ITGA8: variants seen among roughly 807,000 people sequenced by gnomAD.
ITGA8 encodes integrin subunit alpha 8, also known as integrin alpha-8.
In ITGA8, 91 loss-of-function variants were observed where a neutral mutation model predicts 142.3. The observed-to-expected ratio is 0.64, with a 90% CI of 0.54 to 0.76. ITGA8 has a LOEUF of 0.76. Among genes scored for constraint, ITGA8 ranks in the 30% least tolerant of loss-of-function variants. The pLI is 0.00. For missense variants in ITGA8, 1,406 were observed against 1,327.7 expected, an observed-to-expected ratio of 1.06 and a Z score of -0.92; for synonymous variants, 505 against 485.2, an observed-to-expected ratio of 1.04 and a Z score of -0.54.
At chr10:15,555,811 T>G (rs1833876487) in intron 26 of ITGA8, among the ~76,000 whole-genome samples, 1 of 150,216 alleles carries the variant, frequency 6.7e-6, no homozygotes, top group Non-Finnish European at 1.5e-5. Context: ...TTCTCCTGCC[T>G]CAGCCTCCCG....
At chr10:15,558,238 CA>C (rs1257604704) in intron 25 of ITGA8, 36 bp from the exon 26 acceptor site, 4 of 1,610,572 alleles carry the variant, frequency 2.5e-6, no homozygotes, top group East Asian at 2.2e-5. Context: ...ACATTAAAAA[CA>C]CATGAACAGT....
chr10:15,605,929 C>T (rs1006322812), intron 18 of ITGA8, 138 bp from the exon 19 acceptor site: 2 of 712,676 alleles, frequency 2.8e-6, no homozygotes, highest in South Asian at 1.8e-5. Context: ...AGCCAATAGC[C>T]TACATTTCAC....
chr10:15,677,640 A>G lies in ITGA8; in HGVS notation c.631-3T>C, dbSNP rs1402495780. Reference sequence around the variant, plus strand: ...CCTCCCACAATAAGGTCTCCATTCTACAAAACAGAAACAGCAACAGCAACC... The same window carrying G: ...CCTCCCACAATAAGGTCTCCATTCTGCAAAACAGAAACAGCAACAGCAACC... On this transcript the variant is annotated splice_polypyrimidine_tract_variant and splice_region_variant and intron_variant, in intron 5 of 29. Coordinates refer to ENST00000378076, the MANE Select transcript of ITGA8 (RefSeq NM_003638.3). 1.2e-6 allele frequency: 2 copies of G among 1,612,654 alleles called. No individual in the cohort carries two copies. Among genetic ancestry groups the G allele is most frequent in the African/African-American group, 2.7e-5 (2 of 74,856 alleles).
At chr10:15,544,035 G>A (rs59400561) in intron 27 of ITGA8, among the ~76,000 whole-genome samples, 8,401 of 152,190 alleles carry the variant, frequency 0.055, 746 homozygotes, top group African/African-American at 0.19. Flanking sequence ...TGGTTCATGC[G>A]GCTAAGCCCA....
intron 27 of ITGA8, among the ~76,000 whole-genome samples, chr10:15,536,553 A>G (rs7895823): frequency 0.2 from 30,133 of 152,158 alleles, 4,037 homozygotes; most frequent in African/African-American, 0.38. Context: ...CTTATGTTCA[A>G]TATAACCTCT....
At chr10:15,651,832 C>G (rs1834091720) in intron 11 of ITGA8, among the ~76,000 whole-genome samples, 1 of 152,124 alleles carries the variant, frequency 6.6e-6, no homozygotes, top group African/African-American at 2.4e-5. Context: ...CTTGAGTTGT[C>G]TATCTGGCAT....
At chr10:15,602,021 T>A (rs556502519) in intron 20 of ITGA8, among the ~76,000 whole-genome samples, 5 of 152,372 alleles carry the variant, frequency 3.3e-5, no homozygotes, top group African/African-American at 1.2e-4. Context: ...CCTTGTAATG[T>A]TTACAGCCAA....
intron 5 of ITGA8, among the ~76,000 whole-genome samples, chr10:15,678,459 G>A (rs1422951288): frequency 6.6e-6 from 1 of 152,054 alleles, no homozygotes; most frequent in African/African-American, 2.4e-5. Flanking sequence ...TGCCACAAAG[G>A]ATCAGAAGAA....
At chr10:15,617,552 C>A (rs1833417054) in intron 13 of ITGA8, among the ~76,000 whole-genome samples, 1 of 152,196 alleles carries the variant, frequency 6.6e-6, no homozygotes, top group Admixed American at 6.5e-5. Context: ...GCACCTGCCA[C>A]AACGCCTGGC....
intron 13 of ITGA8, among the ~76,000 whole-genome samples, chr10:15,640,808 C>A (rs908324862): frequency 6.6e-6 from 1 of 152,120 alleles, no homozygotes; most frequent in Non-Finnish European, 1.5e-5. Flanking sequence ...CTGAAAGAGG[C>A]TAACAGAGGA....
At chr10:15,627,404 C>A (rs533955932) in intron 13 of ITGA8, among the ~76,000 whole-genome samples, 1 of 152,132 alleles carries the variant, frequency 6.6e-6, no homozygotes, top group Non-Finnish European at 1.5e-5. Context: ...CTGGTTGGAC[C>A]GCCAGCTTTC....
rs564495970 is a variant in ITGA8, at chr10:15,651,755, C to A, written c.1001+3599G>T. On this transcript the variant is annotated intron_variant, in intron 11 of 29. Transcript: ENST00000378076. ...TTCTGAACCATGAGCAATGACCTAGCCAAGTGATTTTTTAAACCCTATGAA... is the reference window on the plus strand; with the variant it reads ...TTCTGAACCATGAGCAATGACCTAGACAAGTGATTTTTTAAACCCTATGAA... 4.6e-5 allele frequency among the ~76,000 whole-genome samples: 7 copies of A among 152,158 alleles called. No individual in the cohort carries two copies. The East Asian group carries it at 1.4e-3, about 29-fold the overall frequency.
intron 2 of ITGA8, among the ~76,000 whole-genome samples, chr10:15,708,479 A>C (rs762120442): frequency 6.6e-6 from 1 of 152,126 alleles, no homozygotes; most frequent in Non-Finnish European, 1.5e-5. Flanking sequence ...GTTCACAAAA[A>C]CATCCTCTCC....
At chr10:15,685,382 G>A (rs371329211) in intron 3 of ITGA8, among the ~76,000 whole-genome samples, 98 of 152,212 alleles carry the variant, frequency 6.4e-4, no homozygotes, top group Non-Finnish European at 9.9e-4. Context: ...ATAATGTTGC[G>A]TACTGTACAA....
intron 26 of ITGA8, among the ~76,000 whole-genome samples, chr10:15,554,798 C>G (rs1486047086): frequency 6.6e-6 from 1 of 151,452 alleles, no homozygotes; most frequent in Non-Finnish European, 1.5e-5. Context: ...GTTCCACAGG[C>G]TGTACAGGAA....
At chr10:15,529,043 CCTTCCTTCCTTCCTTT>C (rs895535534) in intron 28 of ITGA8, among the ~76,000 whole-genome samples, 2 of 149,254 alleles carry the variant, frequency 1.3e-5, no homozygotes, top group African/African-American at 5.0e-5. Context: ...CTTCCTTTCT[CCTTCCTTCCTTCCTTT>C]CTTCCTTTCT....
At chr10:15,700,825 T>C (rs1835148677) in intron 2 of ITGA8, among the ~76,000 whole-genome samples, 1 of 152,146 alleles carries the variant, frequency 6.6e-6, no homozygotes, top group Non-Finnish European at 1.5e-5. Context: ...TGTCTACTCA[T>C]TGTCATTCAC....
At chr10:15,662,442 C>T (rs766447137) in intron 8 of ITGA8, among the ~76,000 whole-genome samples, 11 of 148,830 alleles carry the variant, frequency 7.4e-5, no homozygotes, top group Non-Finnish European at 1.5e-4. Context: ...GGGCTCAAGC[C>T]ATCCTTCTAC....
At chr10:15,626,828 G>A (rs1040810635) in intron 13 of ITGA8, among the ~76,000 whole-genome samples, 5 of 152,208 alleles carry the variant, frequency 3.3e-5, no homozygotes, top group Non-Finnish European at 5.9e-5. Flanking sequence ...GAGGCTTAGA[G>A]GAAACCAACC....
Sources: gnomAD v4.1 joint callset for allele counts (sites outside exome capture counted in the v4.1 genomes callset) on GRCh38, gnomAD v4.1.1 for gene constraint, MANE v1.5 for transcripts, NCBI Gene and HGNC (gene_info 2026-07-23, HGNC 2026-07-21) for gene names.